The following COL1A1 variants were observed in gnomAD, a reference collection of about 807,000 sequenced individuals.
COL1A1 encodes collagen type I alpha 1 chain.
In COL1A1, 21 loss-of-function variants were observed where a neutral mutation model predicts 195.7. The observed-to-expected ratio is 0.11, with a 90% confidence interval of 0.08 to 0.15. COL1A1 has a LOEUF of 0.15. Ranked by LOEUF, COL1A1 falls within the 10% of genes least tolerant of loss-of-function variation. The pLI is 1.00. For missense variants in COL1A1, 1,365 were observed against 2,051.0 expected (o/e 0.67, Z 6.46); for synonymous variants, 749 against 747.3 (o/e 1.00, Z -0.04).
chr17:50,193,763 G>A (rs964835232), intron 25 of COL1A1, 180 bp downstream of exon 25: 127 of 668,332 alleles, frequency 1.9e-4, no homozygotes, highest in Non-Finnish European at 3.3e-5. Flanking sequence ...TTACAGGCAT[G>A]AGCCACCGTG....
Position 50,195,244 on chromosome 17 carries a change from G to A in COL1A1, c.1287C>T (p.Pro429=), listed in dbSNP as rs767593133. 30 of 1,612,930 alleles carry A rather than the reference G, an allele frequency of 1.9e-5. No individual in the cohort carries two copies. Among genetic ancestry groups the A allele is most frequent in the Admixed American group, 6.7e-5 (4 of 59,764 alleles). ...GTTTGGTACTCACGCTGTTACCCTT[G>A]GGACCAGGAGGGCCGCCGGGGCCCT... ...GPQGPGGPPG[P]KGNSGEPGAP... Residue 429 remains proline, a synonymous_variant, in exon 19 of 51, where the codon CCC becomes CCT. Coordinates refer to ENST00000225964, the MANE Select transcript of COL1A1 (RefSeq NM_000088.4). This position sits in a 1 kb window ranked among gnomAD's most constrained non-coding sequence, Gnocchi z 4.3.
chr17:50,186,194 C>T lies in COL1A1; in HGVS notation c.4005+123G>A. On this transcript the variant is annotated intron_variant, in intron 49 of 50. Coordinates refer to ENST00000225964, the MANE Select transcript of COL1A1 (RefSeq NM_000088.4). This position sits in a 1 kb window ranked among gnomAD's most constrained non-coding sequence, Gnocchi z 5.3. Reference sequence around the variant, plus strand: ...GAACCACTATCAGGGACCTGAGACCCCTGCCTCCCAGCCCAGCTCTGTCCA... The same window carrying T: ...GAACCACTATCAGGGACCTGAGACCTCTGCCTCCCAGCCCAGCTCTGTCCA... The T allele has an allele frequency of 6.6e-7, 1 of 1,524,968 alleles. No homozygotes were observed. Among genetic ancestry groups the T allele is most frequent in the Non-Finnish European group, 9.0e-7 (1 of 1,114,744 alleles). 94.5% of individuals were successfully genotyped at this position (1,524,968 alleles called of 1,614,324 possible).
Position 50,198,515 on chromosome 17 carries a change from CAA to C in COL1A1, c.472-13_472-12del, listed in dbSNP as rs1210027118. ...CTGGGGAGCAAAGTTCTAGAACAAA[CAA>C]GAGAAGTCAGAGTGAGGACAGTGAA... On this transcript the variant is annotated splice_polypyrimidine_tract_variant and intron_variant, in intron 5 of 50. Coordinates refer to ENST00000225964, the MANE Select transcript of COL1A1 (RefSeq NM_000088.4). 4.4e-6 allele frequency: 7 copies of C among 1,608,368 alleles called. No individual in the cohort carries two copies. Among genetic ancestry groups the C allele is most frequent in the Non-Finnish European group, 5.9e-6 (7 of 1,176,996 alleles).
chr17:50,194,687 G>A lies in COL1A1; in HGVS notation c.1461+34C>T, dbSNP rs756735755. On this transcript the variant is annotated intron_variant, in intron 21 of 50. Transcript: ENST00000225964. This position sits in a 1 kb window ranked among gnomAD's most constrained non-coding sequence, Gnocchi z 6.8. ...ACACAGGCACCAGCCAGGCAATGAG[G>A]GTGGAGCGGGAGGGGGCGGGCAGGG... is the stretch of plus-strand genomic sequence containing the variant. 2 of 1,558,992 alleles carry A rather than the reference G, an allele frequency of 1.3e-6. No individual in the cohort carries two copies. Among genetic ancestry groups the A allele is most frequent in the Non-Finnish European group, 8.7e-7 (1 of 1,150,814 alleles).
Position 50,194,788 on chromosome 17 carries a change from T to C in COL1A1, c.1394A>G (p.Glu465Gly). The change falls in exon 21 of 51, where the codon GAG becomes GGG. Residue 465 changes from glutamate to glycine, a missense_variant. Glu to Gly is a moderately conservative substitution (Grantham distance 98). This residue lies in a region of COL1A1 where 671 missense variants were observed against 1,099.9 expected (regional missense o/e 0.61). Transcript: ENST00000225964. The surrounding 1 kb of genome is among the most constrained non-coding windows in gnomAD (Gnocchi z 6.8). The stretch of plus-strand genomic sequence containing the variant: ...ACCTCGAGCTCCTCGCTTTCCTTCC[T>C]CTCCAGCAGGGCCAGGGGGTCCTTG... Reference protein sequence around the residue: ...GVQGPPGPAGEEGKRGARGEP... With the variant: ...GVQGPPGPAGGEGKRGARGEP... 1.3e-6 allele frequency: 2 copies of C among 1,573,190 alleles called. No individual in the cohort carries two copies. The highest frequency in any genetic ancestry group is 8.6e-7 in the Non-Finnish European group (1 of 1,158,746).
intron 31 of COL1A1, 118 bp downstream of exon 31, chr17:50,191,670 C>T (rs1907087913): frequency 2.4e-6 from 3 of 1,245,754 alleles, no homozygotes; most frequent in Non-Finnish European, 3.4e-6. Context: ...CTGGTCTTTT[C>T]CCCCCACCCC....
Position 50,185,362 on chromosome 17 carries a change from A to G in COL1A1, c.*140T>C, listed in dbSNP as rs1906395078. ...AGTTTGAGAGATGAATGCAAAGGAAAAAAATATTTTCCAAAGTCCATGTGA... is the reference window on the plus strand; with the variant it reads ...AGTTTGAGAGATGAATGCAAAGGAAGAAAATATTTTCCAAAGTCCATGTGA... On this transcript the variant is annotated 3_prime_UTR_variant, in exon 51 of 51. Coordinates refer to ENST00000225964, the MANE Select transcript of COL1A1 (RefSeq NM_000088.4). The G allele has an allele frequency of 9.8e-7, 1 of 1,022,624 alleles. No individual in the cohort carries two copies. Among genetic ancestry groups the G allele is most frequent in the Non-Finnish European group, 1.5e-6 (1 of 676,962 alleles). The allele number at this position is 1,022,624 out of a possible 1,614,324, so 63.3% of individuals were successfully genotyped here. A position where few individuals can be genotyped will look rare whatever the true frequency, so the allele number is the denominator to read the frequency against.
chr17:50,187,172 C>A, intron 46 of COL1A1, 50 bp from the exon 47 acceptor site: 1 of 1,457,434 alleles, frequency 6.9e-7, no homozygotes, highest in Non-Finnish European at 9.4e-7. Flanking sequence ...CCCGAACAAC[C>A]CCAGCTCTGG....
intron 25 of COL1A1, chr17:50,193,380 C>G (rs1034932861): frequency 1.6e-5 from 7 of 450,866 alleles, no homozygotes; most frequent in Admixed American, 1.2e-4. Context: ...CCTGTCCTAT[C>G]CCCACGTGTC....
At chr17:50,197,139 A>G (rs751040198) in intron 10 of COL1A1, 41 bp downstream of exon 10, 29 of 1,613,904 alleles carry the variant, frequency 1.8e-5, no homozygotes, top group Non-Finnish European at 2.5e-5. Context: ...ATGAAGCCCA[A>G]GTGCAGTGAA....
At position 50,200,235 on chromosome 17, in the gene COL1A1, A is replaced by G. The variant is rs534488809; in HGVS notation, c.104-288T>C. 3.7e-4 allele frequency: 160 copies of G among 428,570 alleles called. 4 individuals carry two copies. The East Asian group carries it at 7.3e-3, about 20-fold the overall frequency. 26.5% of individuals were successfully genotyped at this position (428,570 alleles called of 1,614,324 possible). On this transcript the variant is annotated intron_variant, in intron 1 of 50. Transcript: ENST00000225964. Reference sequence around the variant, plus strand: ...CCTCAGCCCATTGGCGCTGAAGCCAAGTGAAATAAAAACCACAGGGTGAGA... The same window carrying G: ...CCTCAGCCCATTGGCGCTGAAGCCAGGTGAAATAAAAACCACAGGGTGAGA...
At position 50,195,623 on chromosome 17, in the gene COL1A1, G is replaced by T; in HGVS notation, c.1099C>A (p.Gln367Lys). Residue 367 changes from glutamine (Q) to lysine (K), a missense_variant, in exon 17 of 51, where the codon CAG becomes AAG. By Grantham distance (53) the Gln-to-Lys change is moderately conservative. Transcript: ENST00000225964. This position sits in a 1 kb window ranked among gnomAD's most constrained non-coding sequence, Gnocchi z 4.3. Reference sequence around the variant, plus strand: ...GGGCCAGGCTCACCACGCACACCCTGGGGACCTTCAGAGCCTCGGGGCCCT... The same window carrying T: ...GGGCCAGGCTCACCACGCACACCCTTGGGACCTTCAGAGCCTCGGGGCCCT... ...PQGPRGSEGPQGVRGEPGPPG... is the reference protein window; with the variant it reads ...PQGPRGSEGPKGVRGEPGPPG... 1 of 1,613,874 alleles carries T rather than the reference G, an allele frequency of 6.2e-7. No homozygotes were observed. The highest frequency in any genetic ancestry group is 8.5e-7 in the Non-Finnish European group (1 of 1,179,924).
In COL1A1 at chr17:50,189,791, C is replaced by G; in HGVS notation, c.2614-59G>C. 1.9e-6 allele frequency: 3 copies of G among 1,611,554 alleles called. No individual in the cohort carries two copies. Among genetic ancestry groups the G allele is most frequent in the Non-Finnish European group, 2.5e-6 (3 of 1,178,460 alleles). On this transcript the variant is annotated intron_variant, in intron 37 of 50. Transcript: ENST00000225964. The surrounding 1 kb of genome is among the most constrained non-coding windows in gnomAD (Gnocchi z 5.5). ...AGAACAGCCAACTCATCCGACCCAG[C>G]TGCCCTCACCTGCCACCGCTGCCTG...
intron 27 of COL1A1, 52 bp from the exon 28 acceptor site, chr17:50,192,745 G>A (rs769875560): frequency 6.2e-7 from 1 of 1,613,862 alleles, no homozygotes. Flanking sequence ...ACGAGGGGCT[G>A]AGGGTGTCTC....
chr17:50,198,765 T>C (rs1396934227), intron 5 of COL1A1: 1 of 531,676 alleles, frequency 1.9e-6, no homozygotes, highest in Non-Finnish European at 3.4e-6. Context: ...TGAGGAACGT[T>C]CTACATTTGT....
Position 50,186,744 on chromosome 17 carries a change from C to G in COL1A1, c.3710G>C (p.Ser1237Thr). Residue 1237 changes from serine to threonine, a missense_variant, in exon 48 of 51, where the codon AGC becomes ACC. Ser to Thr is a moderately conservative substitution (Grantham distance 58, BLOSUM62 1). Transcript: ENST00000225964. This position sits in a 1 kb window ranked among gnomAD's most constrained non-coding sequence, Gnocchi z 5.3. ...GATGTTCTCGATCTGCTGGCTCAGG[C>G]TCTTGAGGGTGGTGTCCACCTCGAG... The part of the protein sequence containing the change: ...RDLEVDTTLK[S>T]LSQQIENIRS... 1 of 1,613,968 alleles carries G rather than the reference C, an allele frequency of 6.2e-7. No homozygotes were observed. Among genetic ancestry groups the G allele is most frequent in the African/African-American group, 1.3e-5 (1 of 75,046 alleles).
intron 46 of COL1A1, 52 bp from the exon 47 acceptor site, chr17:50,187,174 C>A: frequency 6.9e-7 from 1 of 1,445,582 alleles, no homozygotes; most frequent in African/African-American, 1.4e-5. Flanking sequence ...CGAACAACCC[C>A]AGCTCTGGAG....
Position 50,193,026 on chromosome 17 carries a change from C to G in COL1A1, c.1789G>C (p.Glu597Gln). Residue 597 changes from glutamate to glutamine, a missense_variant, in exon 26 of 51, where the codon GAG becomes CAG. Physicochemically the swap from Glu to Gln is conservative, Grantham distance 29. Coordinates refer to ENST00000225964, the MANE Select transcript of COL1A1 (RefSeq NM_000088.4). Reference protein sequence around the residue: ...GAAGEPGKAGERGVPGPPGAV... With the variant: ...GAAGEPGKAGQRGVPGPPGAV... ...CCAGGGGGTCCGGGAACACCTCGCT[C>G]TCCAGCCTTGCCGGGCTCTCCCTGT... The G allele has an allele frequency of 6.2e-7, 1 of 1,614,074 alleles. No homozygotes were observed. The highest frequency in any genetic ancestry group is 8.5e-7 in the Non-Finnish European group (1 of 1,180,022).
rs1489624693 is a variant in COL1A1 at position 50,196,516 on chromosome 17, T to C, written c.871A>G (p.Ser291Gly). ...CCAGGAGCTCCATTTTCACCAGGGC[T>C]GCCAGGCTCACCCTGTAGATCAGAG... is the stretch of plus-strand genomic sequence containing the variant. ...GPAGPKGEPG[S>G]PGENGAPGQM... is the part of the protein sequence containing the mutation. The change falls in exon 13 of 51, where the codon AGC becomes GGC. Residue 291 changes from serine (S) to glycine (G), a missense_variant. Around this residue, in one of 5 missense-constraint regions of COL1A1, gnomAD observed 226 missense variants for 372.9 expected, o/e 0.61. Transcript: ENST00000225964. The C allele has an allele frequency of 6.2e-7, 1 of 1,614,204 alleles. No homozygotes were observed. The highest frequency in any genetic ancestry group is 8.5e-7 in the Non-Finnish European group (1 of 1,180,034).
Sources: gnomAD v4.1 joint callset for allele counts on GRCh38, gnomAD v4.1.1 for gene constraint, gnomAD v4.1.1 regional missense constraint, Gnocchi (gnomAD v3.1) non-coding constraint, MANE v1.5 for transcripts, NCBI Gene and HGNC (gene_info 2026-07-23, HGNC 2026-07-21) for gene names.